The following MBNL3 variants were observed in gnomAD, a reference collection of about 807,000 sequenced individuals.
The protein encoded by MBNL3 is muscleblind-like protein 3.
Under a neutral mutation model 24.5 loss-of-function variants are expected in MBNL3, and 6 were observed. The observed-to-expected ratio is 0.25, with a 90% CI of 0.13 to 0.48. MBNL3 has a LOEUF of 0.48. MBNL3 is among the 20% of genes least tolerant of loss of function. The pLI is 0.99. For synonymous variants in MBNL3, 100 were observed against 101.7 expected (o/e 0.98, Z 0.10); for missense variants, 230 against 293.5 (o/e 0.78, Z 1.58).
chrX:132,416,903 T>C (rs1943351135), intron 2 of MBNL3, among the ~76,000 whole-genome samples: 2 of 112,093 alleles, frequency 1.8e-5, no homozygotes, highest in Non-Finnish European at 3.8e-5. Context: ...GTTTTTGTTC[T>C]ACAGACATGA....
rs1419960565 is a variant in MBNL3, at chrX:132,373,331, G to A, written c.*6335C>T. ...CATATCAGTACATAGGTTAAATTGG[G>A]AAATTATGTTGGAGATAAGGCTGAA... is the stretch of plus-strand genomic sequence containing the variant. On this transcript the variant is annotated 3_prime_UTR_variant, in exon 9 of 9. Transcript: ENST00000370853. The A allele has an allele frequency of 9.0e-6, 1 of 111,639 alleles. No individual in the cohort carries two copies. Among genetic ancestry groups the A allele is most frequent in the Non-Finnish European group, 1.9e-5 (1 of 52,987 alleles). 9.2% of individuals were successfully genotyped at this position (111,639 alleles called of 1,213,427 possible).
At chrX:132,450,060 G>A (rs911682427) in intron 1 of MBNL3, among the ~76,000 whole-genome samples, 1 of 99,636 alleles carries the variant, frequency 1.0e-5, no homozygotes, top group Admixed American at 1.2e-4. Flanking sequence ...TCCCTTTGCG[G>A]GTAACCCGAC....
Position 132,377,958 on chromosome X carries a change from G to A in MBNL3, c.*1708C>T, listed in dbSNP as rs1258213851. Reference sequence around the variant, plus strand: ...ACATTAATAAATGAGTAGAGTGGATGAGATATGTCACACACCACAGGAATT... The same window carrying A: ...ACATTAATAAATGAGTAGAGTGGATAAGATATGTCACACACCACAGGAATT... On this transcript the variant is annotated 3_prime_UTR_variant, in exon 9 of 9. Coordinates refer to ENST00000370853, the MANE Select transcript of MBNL3 (RefSeq NM_001386889.1). The A allele has an allele frequency of 9.0e-6, 1 of 110,560 alleles. No homozygotes were observed. Among genetic ancestry groups the A allele is most frequent in the Admixed American group, 9.7e-5 (1 of 10,318 alleles). 9.1% of individuals were successfully genotyped at this position (110,560 alleles called of 1,213,427 possible).
intron 1 of MBNL3, among the ~76,000 whole-genome samples, chrX:132,470,890 C>T (rs1453139146): frequency 9.0e-6 from 1 of 111,560 alleles, no homozygotes; most frequent in African/African-American, 3.3e-5. Context: ...CCCAATCAAA[C>T]CTTTTTTTAT....
intron 1 of MBNL3, among the ~76,000 whole-genome samples, chrX:132,444,070 T>G (rs942282214): frequency 2.0e-5 from 2 of 99,506 alleles, no homozygotes; most frequent in Non-Finnish European, 4.0e-5. Flanking sequence ...TTCCTCATGC[T>G]TGCTGACTGG....
intron 1 of MBNL3, among the ~76,000 whole-genome samples, chrX:132,458,675 C>T (rs968234188): frequency 1.8e-5 from 2 of 111,061 alleles, no homozygotes; most frequent in East Asian, 5.7e-4. Flanking sequence ...ATTCCCATGA[C>T]ATAAACACTT....
intron 8 of MBNL3, among the ~76,000 whole-genome samples, chrX:132,380,380 C>CAA (rs937062080): frequency 7.1e-5 from 8 of 111,997 alleles, no homozygotes; most frequent in African/African-American, 1.6e-4. Flanking sequence ...GCCACTATCC[C>CAA]AAATGACACC....
chrX:132,462,676 A>ATG (rs759092942), intron 1 of MBNL3, among the ~76,000 whole-genome samples: 1,664 of 107,859 alleles, frequency 0.015, 26 homozygotes, highest in African/African-American at 0.054. Context: ...CACCTGCACT[A>ATG]TGTGTGTGTG....
intron 1 of MBNL3, among the ~76,000 whole-genome samples, chrX:132,469,123 G>T (rs935168033): frequency 2.7e-5 from 3 of 112,088 alleles, no homozygotes; most frequent in Admixed American, 9.5e-5. Context: ...CGTGGATGGG[G>T]TATCCATATC....
chrX:132,420,435 T>A (rs1179363856), intron 2 of MBNL3, among the ~76,000 whole-genome samples: 1 of 110,757 alleles, frequency 9.0e-6, no homozygotes. Context: ...TAGCAAGATT[T>A]AATAGAGTGA....
intron 2 of MBNL3, among the ~76,000 whole-genome samples, chrX:132,419,747 A>G (rs1943619940): frequency 8.9e-6 from 1 of 112,197 alleles, no homozygotes; most frequent in Non-Finnish European, 1.9e-5. Flanking sequence ...CTTCAAATGT[A>G]CAAGTCATGT....
chrX:132,395,900 T>C (rs2148150010), intron 3 of MBNL3, among the ~76,000 whole-genome samples: 1 of 111,177 alleles, frequency 9.0e-6, no homozygotes, highest in South Asian at 3.8e-4. Flanking sequence ...AACTACTTAC[T>C]GGTTAAGAAT....
At chrX:132,484,756 A>G in intron 1 of MBNL3, among the ~76,000 whole-genome samples, 1 of 111,595 alleles carries the variant, frequency 9.0e-6, no homozygotes, top group Non-Finnish European at 1.9e-5. Flanking sequence ...TGGGCAAAAA[A>G]CAAACTCCTG....
chrX:132,386,425 C>T (rs1342245207), intron 6 of MBNL3, among the ~76,000 whole-genome samples: 2 of 111,869 alleles, frequency 1.8e-5, no homozygotes, highest in Non-Finnish European at 3.8e-5. Context: ...CCAACAAATG[C>T]TAAAAAGAAA....
rs1045085377 is a variant in MBNL3 at position 132,376,889 on chromosome X, A to G, written c.*2777T>C. 8 of 111,783 alleles carry G rather than the reference A, an allele frequency of 7.2e-5. No homozygotes were observed. Among genetic ancestry groups the G allele is most frequent in the African/African-American group, 2.6e-4 (8 of 30,814 alleles). The allele number at this position is 111,783 out of a possible 1,213,427, so 9.2% of individuals were successfully genotyped here. Reference sequence around the variant, plus strand: ...CTTTCTTTAAGTTCATTTAGAAAACAACTTTTAAAATGCCAACAATGTAGA... The same window carrying G: ...CTTTCTTTAAGTTCATTTAGAAAACGACTTTTAAAATGCCAACAATGTAGA... On this transcript the variant is annotated 3_prime_UTR_variant, in exon 9 of 9. Coordinates refer to ENST00000370853, the MANE Select transcript of MBNL3 (RefSeq NM_001386889.1).
At chrX:132,477,507 C>T (rs992777067) in intron 1 of MBNL3, among the ~76,000 whole-genome samples, 2 of 111,587 alleles carry the variant, frequency 1.8e-5, no homozygotes, top group African/African-American at 6.5e-5. Flanking sequence ...CAATATGTCC[C>T]AGGCAGAAAG....
At chrX:132,383,334 T>C (rs955393504) in intron 7 of MBNL3, among the ~76,000 whole-genome samples, 2 of 112,056 alleles carry the variant, frequency 1.8e-5, no homozygotes, top group African/African-American at 6.5e-5. Context: ...TAGTTACCCA[T>C]TACCCAGAGC....
chrX:132,477,074 C>A (rs144384856), intron 1 of MBNL3, among the ~76,000 whole-genome samples: 1,607 of 112,217 alleles, frequency 0.014, 21 homozygotes, highest in African/African-American at 0.049. Context: ...GAATTAAAAC[C>A]TTTAGCTCTC....
At chrX:132,458,719 AT>A (rs1428692239) in intron 1 of MBNL3, among the ~76,000 whole-genome samples, 1 of 110,876 alleles carries the variant, frequency 9.0e-6, no homozygotes, top group Non-Finnish European at 1.9e-5. Context: ...ATACCATTAC[AT>A]TGGCAATTAA....
Sources: allele counts gnomAD v4.1 joint callset (sites outside exome capture counted in the v4.1 genomes callset), GRCh38; gene constraint gnomAD v4.1.1; transcripts MANE v1.5; gene names NCBI Gene and HGNC (gene_info 2026-07-23, HGNC 2026-07-21).